TCF4: variants seen among roughly 807,000 people sequenced by gnomAD.
TCF4 encodes the protein SL3-3 enhancer factor 2.
Under a neutral mutation model 82.1 loss-of-function variants are expected in TCF4, and 3 were observed. The observed-to-expected ratio is 0.04, with a 90% confidence interval of 0.02 to 0.09. The LOEUF (loss-of-function observed/expected upper bound fraction) is 0.09, where lower values mean the gene tolerates loss of function less well. Ranked by LOEUF, TCF4 falls within the 10% of genes least tolerant of loss-of-function variation. TCF4 has a pLI of 1.00. For missense variants in TCF4, 518 were observed against 852.7 expected (o/e 0.61, Z 4.89); for synonymous variants, 276 against 309.6 (o/e 0.89, Z 1.14).
chr18:55,426,690 A>G (rs1311256052), intron 5 of TCF4, among the ~76,000 whole-genome samples: 1 of 152,166 alleles, frequency 6.6e-6, no homozygotes, highest in African/African-American at 2.4e-5. Context: ...TGTAAGTACA[A>G]AAACTTTTCC....
chr18:55,453,256 A>G (rs2095662418), intron 5 of TCF4, among the ~76,000 whole-genome samples: 1 of 152,022 alleles, frequency 6.6e-6, no homozygotes, highest in South Asian at 2.1e-4. Context: ...ATCTTTAGAC[A>G]ATGAGGGGAA....
intron 5 of TCF4, among the ~76,000 whole-genome samples, chr18:55,456,283 A>G (rs889588657): frequency 6.6e-6 from 1 of 152,182 alleles, no homozygotes; most frequent in African/African-American, 2.4e-5. Flanking sequence ...ATCCAGCAGA[A>G]AAATGTTCTG....
At chr18:55,392,355 G>A (rs867215850) in intron 6 of TCF4, among the ~76,000 whole-genome samples, 1 of 150,214 alleles carries the variant, frequency 6.7e-6, no homozygotes, top group African/African-American at 2.5e-5. Flanking sequence ...ATGGTGGTGT[G>A]TACCTACAGT....
Position 55,587,573 on chromosome 18 carries a change from A to AC in TCF4, c.-20-438dup, listed in dbSNP as rs1293993136. ...CAACTTTCCCCCCACCCTGCACCCCACCCCCCTCGCACACTCACACTCGCA... is the reference window on the plus strand; with the variant it reads ...CAACTTTCCCCCCACCCTGCACCCCACCCCCCCTCGCACACTCACACTCGCA... On this transcript the variant is annotated intron_variant, in intron 1 of 19. Coordinates refer to ENST00000354452, the MANE Select transcript of TCF4 (RefSeq NM_001083962.2). Among the ~76,000 whole-genome samples, 25 of 147,436 alleles carry AC rather than the reference A, an allele frequency of 1.7e-4. No homozygotes were observed. In the East Asian group the frequency reaches 4.9e-3, roughly 29 times the overall value.
chr18:55,499,316 T>C (rs201243405), intron 3 of TCF4, among the ~76,000 whole-genome samples: 2 of 152,182 alleles, frequency 1.3e-5, no homozygotes, highest in Non-Finnish European at 1.5e-5. Context: ...GAAACAGGAA[T>C]CTGATACAAC....
At chr18:55,567,296 T>C (rs748839531) in intron 3 of TCF4, among the ~76,000 whole-genome samples, 1 of 152,194 alleles carries the variant, frequency 6.6e-6, no homozygotes, top group African/African-American at 2.4e-5. Flanking sequence ...ATAGTAATTC[T>C]TAAAATGAAT....
At chr18:55,234,943 C>T (rs2048940158) in intron 15 of TCF4, among the ~76,000 whole-genome samples, 1 of 152,142 alleles carries the variant, frequency 6.6e-6, no homozygotes, top group Non-Finnish European at 1.5e-5. Context: ...AATTGCCTCC[C>T]AGGGTGCTGC....
chr18:55,422,439 A>T (rs558228460), intron 5 of TCF4: 1 of 984,598 alleles, frequency 1.0e-6, no homozygotes, highest in Admixed American at 6.1e-5. Context: ...ATATTAAAAA[A>T]AAAGTTTGCC....
At chr18:55,466,252 T>C (rs2096015385) in intron 3 of TCF4, among the ~76,000 whole-genome samples, 1 of 151,976 alleles carries the variant, frequency 6.6e-6, no homozygotes, top group South Asian at 2.1e-4. Context: ...TACCAGCACG[T>C]TGGGAGGCTG....
intron 2 of TCF4, among the ~76,000 whole-genome samples, chr18:55,617,811 C>CGTGTGTG (rs2097713651): frequency 1.4e-5 from 2 of 140,610 alleles, no homozygotes; most frequent in African/African-American, 5.3e-5. Context: ...TTAATTCTAA[C>CGTGTGTG]TGTGTGTGTG....
In TCF4 at chr18:55,301,822, G is replaced by GGA. The variant is rs1555848698; in HGVS notation, c.550-22167_550-22166insTC. Among the ~76,000 whole-genome samples, 617 of 137,196 alleles carry GGA rather than the reference G, an allele frequency of 4.5e-3. 11 individuals carry two copies. Among genetic ancestry groups the GGA allele is most frequent in the African/African-American group, 0.015 (570 of 37,252 alleles). The allele number at this position is 137,196 out of a possible 152,430, so 90.0% of individuals were successfully genotyped here. ...AAAAAAAAAAAAAAAAGTGGGGGGGGATTCGGGTGGGGGAGAGTTATCAAT... is the reference window on the plus strand; with the variant it reads ...AAAAAAAAAAAAAAAAGTGGGGGGGGGAATTCGGGTGGGGGAGAGTTATCAAT... On this transcript the variant is annotated intron_variant, in intron 8 of 19. Coordinates refer to ENST00000354452, the MANE Select transcript of TCF4 (RefSeq NM_001083962.2).
intron 3 of TCF4, among the ~76,000 whole-genome samples, chr18:55,500,332 A>C (rs1410918814): frequency 6.6e-6 from 1 of 152,228 alleles, no homozygotes; most frequent in South Asian, 2.1e-4. Flanking sequence ...AGAATTAGGA[A>C]TAGCAGGGGA....
At chr18:55,389,145 A>C (rs573068765) in intron 6 of TCF4, among the ~76,000 whole-genome samples, 3 of 152,258 alleles carry the variant, frequency 2.0e-5, no homozygotes, top group East Asian at 1.9e-4. Context: ...ATAAATAAAT[A>C]AATCCAGCCT....
At chr18:55,282,640 G>T (rs2062849916) in intron 8 of TCF4, among the ~76,000 whole-genome samples, 1 of 151,926 alleles carries the variant, frequency 6.6e-6, no homozygotes, top group African/African-American at 2.4e-5. Flanking sequence ...AAATAAAATA[G>T]CTTTATTTAA....
chr18:55,353,815 A>G (rs1157690620), intron 6 of TCF4, among the ~76,000 whole-genome samples: 1 of 152,238 alleles, frequency 6.6e-6, no homozygotes, highest in African/African-American at 2.4e-5. Flanking sequence ...TGTTTATATT[A>G]TGAATTTACC....
chr18:55,296,592 A>G (rs1054958764), intron 8 of TCF4, among the ~76,000 whole-genome samples: 2 of 152,068 alleles, frequency 1.3e-5, no homozygotes, highest in African/African-American at 4.8e-5. Context: ...TAATAGCAAT[A>G]TTGTCTTTGG....
At chr18:55,567,990 AAAG>A (rs1162952983) in intron 3 of TCF4, among the ~76,000 whole-genome samples, 1 of 152,168 alleles carries the variant, frequency 6.6e-6, no homozygotes, top group African/African-American at 2.4e-5. Flanking sequence ...TGCAAGTATC[AAAG>A]AAGAAATCAT....
At chr18:55,363,805 C>CTAAATAAA (rs774730269) in intron 6 of TCF4, among the ~76,000 whole-genome samples, 1 of 151,744 alleles carries the variant, frequency 6.6e-6, no homozygotes, top group Non-Finnish European at 1.5e-5. Flanking sequence ...CACTCTGTCT[C>CTAAATAAA]TAAATAAATA....
chr18:55,428,783 T>A, intron 5 of TCF4, among the ~76,000 whole-genome samples: 1 of 152,164 alleles, frequency 6.6e-6, no homozygotes, highest in South Asian at 2.1e-4. Flanking sequence ...GGATAAACAA[T>A]GTTTGGTGTC....
Sources: gnomAD v4.1 joint callset for allele counts (sites outside exome capture counted in the v4.1 genomes callset) on GRCh38, gnomAD v4.1.1 for gene constraint, MANE v1.5 for transcripts, NCBI Gene and HGNC (gene_info 2026-07-23, HGNC 2026-07-21) for gene names.